PDE1C: variants seen among roughly 807,000 people sequenced by gnomAD.
PDE1C encodes dual specificity calcium/calmodulin-dependent 3',5'-cyclic nucleotide phosphodiesterase 1C.
PDE1C carries 62 observed loss-of-function variants against 93.1 expected under a neutral mutation model. The ratio of observed to expected loss-of-function variants is 0.67; its 90% CI spans 0.54 to 0.82. The LOEUF (loss-of-function observed/expected upper bound fraction) is 0.82, where lower values mean the gene tolerates loss of function less well. Among genes scored for constraint, PDE1C ranks in the 40% least tolerant of loss-of-function variants. The pLI, the probability that PDE1C is intolerant of heterozygous loss-of-function variation, is 0.00. For missense variants in PDE1C, 742 were observed against 884.6 expected (o/e 0.84, Z 2.04); for synonymous variants, 325 against 310.1 (o/e 1.05, Z -0.50).
chr7:31,729,233 A>G, the PDE1C span, among the ~76,000 whole-genome samples: 1 of 152,226 alleles, frequency 6.6e-6, no homozygotes, highest in African/African-American at 2.4e-5. Flanking sequence ...TTGTTCTTCC[A>G]CTTGGGCCGT....
chr7:31,934,702 GAAGGGTA>G (rs1804792150), intron 2 of PDE1C, among the ~76,000 whole-genome samples: 1 of 152,140 alleles, frequency 6.6e-6, no homozygotes, highest in Admixed American at 6.6e-5. Flanking sequence ...TACGTTTGAG[GAAGGGTA>G]ATCTCCTCTT....
the PDE1C span, among the ~76,000 whole-genome samples, chr7:31,699,511 A>G: frequency 6.6e-6 from 1 of 152,158 alleles, no homozygotes. Flanking sequence ...GTTAAGTTTG[A>G]TTGCTTCCCA....
chr7:31,894,073 G>C (rs1490240174), intron 2 of PDE1C, among the ~76,000 whole-genome samples: 1 of 152,164 alleles, frequency 6.6e-6, no homozygotes, highest in East Asian at 1.9e-4. Flanking sequence ...CTTGGGGACT[G>C]GAAAGAGGAA....
the PDE1C span, chr7:31,643,883 G>T: frequency 6.2e-7 from 1 of 1,613,886 alleles, no homozygotes; most frequent in Non-Finnish European, 8.5e-7. Context: ...TCACTAACTG[G>T]TCACCAGGAA....
the PDE1C span, among the ~76,000 whole-genome samples, chr7:31,668,619 G>T: frequency 6.6e-6 from 1 of 152,102 alleles, no homozygotes; most frequent in African/African-American, 2.4e-5. Flanking sequence ...AAAATGTTCA[G>T]AATAGTCAAA....
intron 3 of PDE1C, among the ~76,000 whole-genome samples, chr7:32,117,408 T>C (rs1584794614): frequency 6.6e-6 from 1 of 152,320 alleles, no homozygotes; most frequent in Middle Eastern, 3.4e-3. Flanking sequence ...TGCAGATGTG[T>C]TAGGCTCTTC....
intron 3 of PDE1C, among the ~76,000 whole-genome samples, chr7:32,098,229 CAAAA>C (rs60146342): frequency 6.5e-5 from 3 of 46,284 alleles, no homozygotes; most frequent in Admixed American, 2.3e-4. Context: ...GACTCCGTCT[CAAAA>C]AAAAAAAAAA....
At chr7:32,274,148 A>G (rs1323146159) in intron 1 of PDE1C, among the ~76,000 whole-genome samples, 1 of 152,180 alleles carries the variant, frequency 6.6e-6, no homozygotes, top group African/African-American at 2.4e-5. Context: ...TTTCATTCAA[A>G]TGAAATTTTA....
chr7:32,063,688 A>G (rs1409040151), intron 1 of PDE1C, among the ~76,000 whole-genome samples: 1 of 152,214 alleles, frequency 6.6e-6, no homozygotes, highest in Non-Finnish European at 1.5e-5. Flanking sequence ...TTTAATATAC[A>G]TTAAGAATGT....
At chr7:31,801,502 T>A (rs2128691073) in intron 16 of PDE1C, among the ~76,000 whole-genome samples, 1 of 151,604 alleles carries the variant, frequency 6.6e-6, no homozygotes, top group South Asian at 2.1e-4. Context: ...ATTCTAGGAA[T>A]GCCAATTATG....
In PDE1C at chr7:32,374,198, G is replaced by GAAA. The variant is rs1562695850; in HGVS notation, c.310+53623_310+53624insTTT. 3.1e-4 allele frequency among the ~76,000 whole-genome samples: 40 copies of GAAA among 130,254 alleles called. 1 individual carries two copies. Among genetic ancestry groups the GAAA allele is most frequent in the African/African-American group, 1.2e-3 (35 of 28,618 alleles). 85.5% of individuals were successfully genotyped at this position (130,254 alleles called of 152,430 possible). A position where few individuals can be genotyped will look rare whatever the true frequency, so the allele number is the denominator to read the frequency against. On this transcript the variant is annotated intron_variant, in intron 1 of 1. Coordinates refer to the PDE1C transcript ENST00000672256. The stretch of plus-strand genomic sequence containing the variant: ...AGAAAGAAAGAAAGAAAGAAAGAGA[G>GAAA]GGAAAGAGAGGGAAAGAAAGGGAAA...
At chr7:31,678,378 A>T in the PDE1C span, among the ~76,000 whole-genome samples, 1 of 152,206 alleles carries the variant, frequency 6.6e-6, no homozygotes, top group African/African-American at 2.4e-5. Flanking sequence ...TTGACTAGGT[A>T]AAACAGAGCA....
At chr7:31,970,189 A>T (rs1810736875) in intron 2 of PDE1C, among the ~76,000 whole-genome samples, 1 of 152,204 alleles carries the variant, frequency 6.6e-6, no homozygotes, top group African/African-American at 2.4e-5. Flanking sequence ...AGAGAATGGA[A>T]GTGGTGGAAA....
At chr7:32,311,198 A>G (rs1230188747) in intron 1 of PDE1C, among the ~76,000 whole-genome samples, 1 of 152,214 alleles carries the variant, frequency 6.6e-6, no homozygotes, top group South Asian at 2.1e-4. Context: ...CCAAGACTAA[A>G]CCAGGAAGAA....
Position 32,359,251 on chromosome 7 carries a change from T to G in PDE1C, c.310+68571A>C, listed in dbSNP as rs139480793. Among the ~76,000 whole-genome samples, 10 of 152,260 alleles carry G rather than the reference T, an allele frequency of 6.6e-5. No individual in the cohort carries two copies. In the East Asian group the frequency reaches 1.9e-3, roughly 29 times the overall value. On this transcript the variant is annotated intron_variant, in intron 1 of 1. Coordinates refer to the PDE1C transcript ENST00000672256. ...CCTGCTCCTTGGTTATAAATCCCCG[T>G]TTTTCCATGTTGTATTCAGAATTGA... is the stretch of plus-strand genomic sequence containing the variant.
intron 2 of PDE1C, among the ~76,000 whole-genome samples, chr7:32,047,730 G>GAAAAAATACTTATGTATTT (rs1792798147): frequency 6.6e-6 from 1 of 151,692 alleles, no homozygotes. Flanking sequence ...TCTTTAACAA[G>GAAAAAATACTTATGTATTT]GTTTTGATAG....
chr7:32,251,052 C>T (rs1809333882), intron 1 of PDE1C, among the ~76,000 whole-genome samples: 1 of 152,248 alleles, frequency 6.6e-6, no homozygotes, highest in Admixed American at 6.5e-5. Context: ...TCAACACACA[C>T]ATGCGAGCGT....
Position 31,966,815 on chromosome 7 carries a change from C to G in PDE1C, c.128+84739G>C, listed in dbSNP as rs1372045551. 2.0e-5 allele frequency among the ~76,000 whole-genome samples: 3 copies of G among 152,310 alleles called. No homozygotes were observed. The East Asian group carries it at 5.8e-4, about 29-fold the overall frequency. ...TCAGGATTAAGAAACACACTCAAAACCACTCAACTACATGGAAACTGAACA... is the reference window on the plus strand; with the variant it reads ...TCAGGATTAAGAAACACACTCAAAAGCACTCAACTACATGGAAACTGAACA... On this transcript the variant is annotated intron_variant, in intron 2 of 17. Transcript: ENST00000396191.
chr7:31,772,554 C>T (rs917662879), intron 17 of PDE1C, among the ~76,000 whole-genome samples: 4 of 151,006 alleles, frequency 2.6e-5, no homozygotes, highest in Non-Finnish European at 5.9e-5. Context: ...GTCTCTGGCA[C>T]CAGTTTTTTT....
Sources: allele counts gnomAD v4.1 joint callset (sites outside exome capture counted in the v4.1 genomes callset), GRCh38; gene constraint gnomAD v4.1.1; transcripts MANE v1.5; gene names NCBI Gene and HGNC (gene_info 2026-07-23, HGNC 2026-07-21).